The following EEFSEC variants were observed in gnomAD, a reference collection of about 807,000 sequenced individuals.
The protein encoded by EEFSEC is selenocysteine-specific elongation factor.
A neutral mutation model predicts 42.1 loss-of-function variants in EEFSEC; 43 were observed. That is an observed-to-expected ratio of 1.02 (90% CI 0.80 to 1.32). The LOEUF is 1.32. EEFSEC is among the 40% of genes most tolerant of loss of function. The pLI is 0.00. For synonymous variants in EEFSEC, 354 were observed against 339.1 expected, an observed-to-expected ratio of 1.04 and a Z score of -0.48; for missense variants, 745 against 803.6, an observed-to-expected ratio of 0.93 and a Z score of 0.88.
At chr3:128,250,782 G>T (rs187939920) in intron 2 of EEFSEC, among the ~76,000 whole-genome samples, 24 of 152,206 alleles carry the variant, frequency 1.6e-4, no homozygotes, top group Non-Finnish European at 1.6e-4. Flanking sequence ...AAGGTTGTTG[G>T]AATTTTGATA....
At chr3:128,238,406 A>G (rs1385695558) in intron 1 of EEFSEC, among the ~76,000 whole-genome samples, 1 of 152,238 alleles carries the variant, frequency 6.6e-6, no homozygotes, top group Non-Finnish European at 1.5e-5. Flanking sequence ...CAGGCTAGAC[A>G]ATGCCCATTC....
intron 1 of EEFSEC, among the ~76,000 whole-genome samples, chr3:128,210,164 A>G (rs975522887): frequency 1.3e-5 from 2 of 152,228 alleles, no homozygotes; most frequent in Non-Finnish European, 2.9e-5. Flanking sequence ...ATAGAATGGT[A>G]GGAGAAACTG....
At chr3:128,425,002 T>C in the EEFSEC span, among the ~76,000 whole-genome samples, 6 of 152,130 alleles carry the variant, frequency 3.9e-5, no homozygotes, top group Non-Finnish European at 8.8e-5. Flanking sequence ...AACTCCATGA[T>C]TCTGAGAGTC....
intron 1 of EEFSEC, among the ~76,000 whole-genome samples, chr3:128,157,253 C>T (rs1357832593): frequency 6.6e-6 from 1 of 152,150 alleles, no homozygotes; most frequent in African/African-American, 2.4e-5. Flanking sequence ...TTGAAGCTAG[C>T]AGAAGTTGGT....
At chr3:128,376,465 T>A (rs1428973130) in intron 6 of EEFSEC, among the ~76,000 whole-genome samples, 1 of 152,104 alleles carries the variant, frequency 6.6e-6, no homozygotes, top group Non-Finnish European at 1.5e-5. Flanking sequence ...TGGGGTTTCT[T>A]CCCCAGAGGT....
intron 2 of EEFSEC, among the ~76,000 whole-genome samples, chr3:128,248,951 A>T (rs1055694107): frequency 3.3e-5 from 5 of 152,230 alleles, no homozygotes; most frequent in Non-Finnish European, 7.3e-5. Flanking sequence ...CTCATCCAGC[A>T]CCAGCAGGCT....
chr3:128,167,162 T>G (rs1381773976), intron 1 of EEFSEC, among the ~76,000 whole-genome samples: 1 of 152,148 alleles, frequency 6.6e-6, no homozygotes, highest in Non-Finnish European at 1.5e-5. Context: ...TCCACCCTCC[T>G]CAGGCTAGAT....
intron 5 of EEFSEC, among the ~76,000 whole-genome samples, chr3:128,348,253 C>CGTGT (rs761445739): frequency 9.8e-6 from 1 of 101,924 alleles, no homozygotes; most frequent in African/African-American, 5.5e-5. Flanking sequence ...AGTGTGCATG[C>CGTGT]GTGTGTGTGT....
At chr3:128,204,546 G>T (rs957346116) in intron 1 of EEFSEC, among the ~76,000 whole-genome samples, 2 of 152,092 alleles carry the variant, frequency 1.3e-5, no homozygotes, top group African/African-American at 4.8e-5. Flanking sequence ...TTGTCACAGT[G>T]TCTAACTACT....
At chr3:128,179,954 A>G (rs2065388341) in intron 1 of EEFSEC, among the ~76,000 whole-genome samples, 1 of 152,154 alleles carries the variant, frequency 6.6e-6, no homozygotes, top group South Asian at 2.1e-4. Context: ...ATTGTTTGAG[A>G]TTCATGTTTG....
chr3:128,153,774 G>A lies in EEFSEC; in HGVS notation c.267G>A (p.Thr89=). The part of the protein sequence containing the change: ...PEPGEPLLQV[T]LVDCPGHASL... ...CCGGCGAGCCACTGCTTCAGGTCAC[G>A]CTGGTCGACTGCCCCGGGCACGCCT... Residue 89 remains threonine (T), a synonymous_variant, in exon 1 of 7, where the codon ACG becomes ACA. Transcript: ENST00000254730. 3 of 1,536,996 alleles carry A rather than the reference G, an allele frequency of 2.0e-6. No individual in the cohort carries two copies. The highest frequency in any genetic ancestry group is 2.8e-5 in the African/African-American group (2 of 71,004).
At chr3:128,224,390 G>T (rs924687950) in intron 1 of EEFSEC, among the ~76,000 whole-genome samples, 3 of 152,162 alleles carry the variant, frequency 2.0e-5, no homozygotes, top group Non-Finnish European at 4.4e-5. Context: ...GTATTCAAAT[G>T]GTTCCTGTGG....
chr3:128,374,063 C>T (rs533936385), intron 6 of EEFSEC, among the ~76,000 whole-genome samples: 12 of 152,352 alleles, frequency 7.9e-5, no homozygotes, highest in Admixed American at 3.3e-4. Flanking sequence ...CTGCACTCCC[C>T]TCTGCAGCAT....
intron 4 of EEFSEC, among the ~76,000 whole-genome samples, chr3:128,287,292 A>T (rs146593584): frequency 6.6e-6 from 1 of 151,994 alleles, no homozygotes; most frequent in Non-Finnish European, 1.5e-5. Context: ...ATGCAGCTCC[A>T]AGGGGGCAGG....
At chr3:128,187,749 C>T (rs770849486) in intron 1 of EEFSEC, among the ~76,000 whole-genome samples, 2 of 152,136 alleles carry the variant, frequency 1.3e-5, no homozygotes, top group Admixed American at 6.5e-5. Context: ...ATACAATACA[C>T]CAGAGGGTTT....
At chr3:128,305,251 A>T (rs1414751259) in intron 4 of EEFSEC, among the ~76,000 whole-genome samples, 2 of 152,142 alleles carry the variant, frequency 1.3e-5, no homozygotes, top group Non-Finnish European at 2.9e-5. Flanking sequence ...GCATTCTGGA[A>T]GGTATCCTAC....
downstream of EEFSEC, among the ~76,000 whole-genome samples, chr3:128,409,696 A>T (rs1297311780): frequency 6.6e-6 from 1 of 152,166 alleles, no homozygotes; most frequent in Non-Finnish European, 1.5e-5. Flanking sequence ...GCTTGTCTGC[A>T]CTGTGAATCA....
intron 6 of EEFSEC, among the ~76,000 whole-genome samples, chr3:128,388,452 G>A (rs565825473): frequency 4.6e-5 from 7 of 152,348 alleles, no homozygotes; most frequent in African/African-American, 9.6e-5. Flanking sequence ...CACCAGCAGC[G>A]GGCTTGGCCA....
intron 2 of EEFSEC, among the ~76,000 whole-genome samples, chr3:128,258,010 G>A (rs557128539): frequency 6.6e-5 from 10 of 152,136 alleles, no homozygotes; most frequent in Non-Finnish European, 1.0e-4. Flanking sequence ...ATGAAATTGC[G>A]TTTTAAAATA....
Sources: gnomAD v4.1 joint callset for allele counts (sites outside exome capture counted in the v4.1 genomes callset) on GRCh38, gnomAD v4.1.1 for gene constraint, MANE v1.5 for transcripts, NCBI Gene and HGNC (gene_info 2026-07-23, HGNC 2026-07-21) for gene names.